GOLGA6L10: variants seen among roughly 807,000 people sequenced by gnomAD.
The protein encoded by GOLGA6L10 is golgin subfamily A member 6-like protein 10.
In GOLGA6L10, 4 loss-of-function variants were observed where a neutral mutation model predicts 56.9. The ratio of observed to expected loss-of-function variants is 0.07; its 90% CI spans 0.03 to 0.16. The LOEUF (loss-of-function observed/expected upper bound fraction) is 0.16, where lower values mean the gene tolerates loss of function less well. GOLGA6L10 is among the 10% of genes least tolerant of loss of function. GOLGA6L10 has a pLI of 1.00. For missense variants in GOLGA6L10, 34 were observed against 558.3 expected (o/e 0.06, Z 9.46); for synonymous variants, 11 against 220.9 (o/e 0.05, Z 8.43).
chr15:82,347,799 GA>G (rs781678678), intron 1 of GOLGA6L10, among the ~76,000 whole-genome samples, 170 bp from the exon 2 acceptor site: 1,773 of 147,360 alleles, frequency 0.012, no homozygotes, highest in African/African-American at 0.039. Flanking sequence ...ATCATGGATA[GA>G]AAAAAAAAAA....
chr15:82,345,995 T>A, intron 4 of GOLGA6L10, 99 bp from the exon 5 acceptor site: 3 of 696,468 alleles, frequency 4.3e-6, no homozygotes, highest in Non-Finnish European at 7.6e-6. Context: ...TGCCAGTTTG[T>A]GATTTAGAAA....
intron 1 of GOLGA6L10, among the ~76,000 whole-genome samples, chr15:82,347,845 A>G (rs1198993477): frequency 2.0e-5 from 3 of 152,300 alleles, no homozygotes; most frequent in African/African-American, 7.2e-5. Context: ...TGGAACTTAA[A>G]CTCAGTCCTC....
chr15:82,343,449 G>A (rs2075655362), intron 7 of GOLGA6L10, among the ~76,000 whole-genome samples: 1 of 151,760 alleles, frequency 6.6e-6, no homozygotes, highest in Admixed American at 6.6e-5. Flanking sequence ...ACAGACTGGT[G>A]GAAAAGCAGG....
chr15:82,343,808 C>T (rs2075657485), intron 7 of GOLGA6L10, among the ~76,000 whole-genome samples: 1 of 151,058 alleles, frequency 6.6e-6, no homozygotes, highest in African/African-American at 2.5e-5. Context: ...GGATTACAGG[C>T]ATGCACCACC....
At position 82,347,587 on chromosome 15, in the gene GOLGA6L10, C is replaced by G. The variant is rs2075694779; in HGVS notation, c.127G>C (p.Gly43Arg). The G allele has an allele frequency of 6.2e-7, 1 of 1,609,496 alleles. No individual in the cohort carries two copies. Residue 43 changes from glycine to arginine, a missense_variant, in exon 2 of 9, where the codon GGA (glycine) becomes CGA (arginine). Coordinates refer to ENST00000610657, the MANE Select transcript of GOLGA6L10 (RefSeq NM_001164465.3). ...TTGACTTTCTTTTTCCTGTTAGCTC[C>G]TGCTGGAATGCCAGGGCTCTTCCTC... ...WQRKSPGIPAGANRKKKVNGS... is the reference protein window; with the variant it reads ...WQRKSPGIPARANRKKKVNGS...
rs1244180197 is a variant in GOLGA6L10, at chr15:82,342,099, C to A, written c.*677G>T. On this transcript the variant is annotated 3_prime_UTR_variant, in exon 9 of 9. Coordinates refer to ENST00000610657, the MANE Select transcript of GOLGA6L10 (RefSeq NM_001164465.3). ...CTTCTGGGAGATTTAAAAACCTCCC[C>A]AAAATGTTATTACTCCCATCCCCAA... 1 of 147,138 alleles carries A rather than the reference C, an allele frequency of 6.8e-6. No individual in the cohort carries two copies. The highest frequency in any genetic ancestry group is 2.7e-5 in the African/African-American group (1 of 36,896). The allele number at this position is 147,138 out of a possible 1,614,324, so 9.1% of individuals were successfully genotyped here. A position where few individuals can be genotyped will look rare whatever the true frequency, so the allele number is the denominator to read the frequency against.
chr15:82,348,058 G>T (rs1279215834), intron 1 of GOLGA6L10, among the ~76,000 whole-genome samples: 1 of 151,960 alleles, frequency 6.6e-6, no homozygotes, highest in Non-Finnish European at 1.5e-5. Context: ...ATGGCAGAAG[G>T]CAGCTTTTCT....
intron 1 of GOLGA6L10, among the ~76,000 whole-genome samples, 191 bp from the exon 2 acceptor site, chr15:82,347,820 C>A (rs1466579920): frequency 5.3e-5 from 8 of 151,838 alleles, no homozygotes; most frequent in African/African-American, 1.9e-4. Flanking sequence ...AAAGAAAGAT[C>A]AAAAAAGGCA....
rs1555439081 is a variant in GOLGA6L10, at chr15:82,345,004, ATAGCCTCTCCTCCTGTTCACG to A, written c.835_855del (p.Arg279_Leu285del). The stretch of plus-strand genomic sequence containing the variant: ...TCACACAGCCTCTCCTCCTGTTCAC[ATAGCCTCTCCTCCTGTTCACG>A]TAGCCTCTCCTCCTGTTCACGTAGC... On this transcript the variant is annotated inframe_deletion, in exon 6 of 9. Coordinates refer to ENST00000610657, the MANE Select transcript of GOLGA6L10 (RefSeq NM_001164465.3). The A allele has an allele frequency of 0.014, 5,864 of 414,572 alleles. 468 individuals are homozygous for A. Among genetic ancestry groups the A allele is most frequent in the Admixed American group, 0.022 (256 of 11,754 alleles). 25.7% of individuals were successfully genotyped at this position (414,572 alleles called of 1,614,324 possible). A position where few individuals can be genotyped will look rare whatever the true frequency, so the allele number is the denominator to read the frequency against.
chr15:82,343,932 C>G (rs2075658256), intron 7 of GOLGA6L10, among the ~76,000 whole-genome samples: 1 of 146,996 alleles, frequency 6.8e-6, no homozygotes. Flanking sequence ...CCTCAGCCTC[C>G]CAAAGTGCTG....
chr15:82,348,083 T>C (rs1350430232), intron 1 of GOLGA6L10, among the ~76,000 whole-genome samples: 1 of 151,830 alleles, frequency 6.6e-6, no homozygotes, highest in African/African-American at 2.4e-5. Flanking sequence ...AATCTGGGAA[T>C]TTATCAGAAA....
chr15:82,348,039 T>A (rs1240436551), intron 1 of GOLGA6L10, among the ~76,000 whole-genome samples: 8 of 151,990 alleles, frequency 5.3e-5, no homozygotes, highest in Non-Finnish European at 1.2e-4. Flanking sequence ...TTCATATCAA[T>A]GTGTCCTCAT....
rs2075643927 is a variant in GOLGA6L10 at position 82,342,176 on chromosome 15, T to C, written c.*600A>G. The C allele has an allele frequency of 6.0e-6, 1 of 166,668 alleles. No homozygotes were observed. The highest frequency in any genetic ancestry group is 2.4e-5 in the African/African-American group (1 of 41,272). The allele number at this position is 166,668 out of a possible 1,614,324, so 10.3% of individuals were successfully genotyped here. ...TTCCAGTGCTCCACCTTTAAACAACTGTAAATGTCAGTACTCACAGTGGCA... is the reference window on the plus strand; with the variant it reads ...TTCCAGTGCTCCACCTTTAAACAACCGTAAATGTCAGTACTCACAGTGGCA... On this transcript the variant is annotated 3_prime_UTR_variant, in exon 9 of 9. Transcript: ENST00000610657.
In GOLGA6L10 at chr15:82,345,427, C is replaced by A. The variant is rs2075679323; in HGVS notation, c.434-1G>T. On this transcript the variant is annotated splice_acceptor_variant, in intron 5 of 8. Transcript: ENST00000610657. LOFTEE classifies it high-confidence loss of function. The stretch of plus-strand genomic sequence containing the variant: ...GGGGGCTCTGGGGCCAGGGGTTCAG[C>A]TGAGAAAGCAAGCAGAGAATAAGGG... The A allele has an allele frequency of 1.3e-6, 2 of 1,599,442 alleles. No individual in the cohort carries two copies. The highest frequency in any genetic ancestry group is 1.7e-6 in the Non-Finnish European group (2 of 1,178,818).
At chr15:82,346,708 AG>A (rs2075688527) in intron 3 of GOLGA6L10, 67 bp from the exon 4 acceptor site, 1 of 1,608,324 alleles carries the variant, frequency 6.2e-7, no homozygotes, top group Non-Finnish European at 8.5e-7. Flanking sequence ...AATAATCATT[AG>A]GGCTGGTGGG....
rs1221413381 is a variant in GOLGA6L10 at position 82,340,335 on chromosome 15, G to C, written c.*2441C>G. The C allele has an allele frequency of 6.6e-6, 1 of 151,334 alleles. No individual in the cohort carries two copies. The highest frequency in any genetic ancestry group is 1.5e-5 in the Non-Finnish European group (1 of 67,796). The allele number at this position is 151,334 out of a possible 1,614,324, so 9.4% of individuals were successfully genotyped here. On this transcript the variant is annotated 3_prime_UTR_variant, in exon 9 of 9. Coordinates refer to ENST00000610657, the MANE Select transcript of GOLGA6L10 (RefSeq NM_001164465.3). ...AGTGACTGTAAGATAAAGTTTTAGA[G>C]AATCTATTTTGGATAGGGTTGATTT...
At chr15:82,345,971 G>T (rs2075684039) in intron 4 of GOLGA6L10, 75 bp from the exon 5 acceptor site, 2 of 1,419,198 alleles carry the variant, frequency 1.4e-6, no homozygotes, top group Non-Finnish European at 9.7e-7. Flanking sequence ...TTTGAGAAAG[G>T]CCCACCCCCC....
intron 1 of GOLGA6L10, among the ~76,000 whole-genome samples, chr15:82,347,882 T>C (rs1453411556): frequency 2.0e-5 from 3 of 152,136 alleles, no homozygotes; most frequent in Non-Finnish European, 2.9e-5. Flanking sequence ...GGTTTTGCCA[T>C]GAATCAGCAG....
At position 82,342,195 on chromosome 15, in the gene GOLGA6L10, A is replaced by G. The variant is rs1422099597; in HGVS notation, c.*581T>C. On this transcript the variant is annotated 3_prime_UTR_variant, in exon 9 of 9. Coordinates refer to ENST00000610657, the MANE Select transcript of GOLGA6L10 (RefSeq NM_001164465.3). ...AACAACTGTAAATGTCAGTACTCAC[A>G]GTGGCATATTACAAAGTAATAGACC... The G allele has an allele frequency of 5.8e-6, 1 of 173,228 alleles. No homozygotes were observed. Among genetic ancestry groups the G allele is most frequent in the Non-Finnish European group, 1.2e-5 (1 of 81,210 alleles). 10.7% of individuals were successfully genotyped at this position (173,228 alleles called of 1,614,324 possible).
Sources: allele counts gnomAD v4.1 joint callset (sites outside exome capture counted in the v4.1 genomes callset), GRCh38; gene constraint gnomAD v4.1.1; transcripts MANE v1.5; gene names NCBI Gene and HGNC (gene_info 2026-07-23, HGNC 2026-07-21).